ITPKB: variants seen among roughly 807,000 people sequenced by gnomAD.
ITPKB encodes the protein IP3 3-kinase B.
ITPKB carries 13 observed loss-of-function variants against 69.4 expected under a neutral mutation model. The observed-to-expected ratio is 0.19, with a 90% confidence interval of 0.12 to 0.30. The LOEUF (loss-of-function observed/expected upper bound fraction) is 0.30. Ranked by LOEUF, ITPKB falls within the 10% of genes least tolerant of loss-of-function variation. ITPKB has a pLI of 1.00. For synonymous variants in ITPKB, 584 were observed against 513.7 expected (o/e 1.14, Z -1.85); for missense variants, 1,240 against 1,250.5 (o/e 0.99, Z 0.13).
Position 226,736,547 on chromosome 1 carries a change from C to A in ITPKB, c.912G>T (p.Thr304=). 6.2e-7 allele frequency: 1 copy of A among 1,613,994 alleles called. No homozygotes were observed. The highest frequency in any genetic ancestry group is 2.2e-5 in the East Asian group (1 of 44,878). Residue 304 remains threonine (T), a synonymous_variant, in exon 2 of 8, where the codon ACG becomes ACT. Transcript: ENST00000429204. ...GLFGASLTMA[T]EVAARVTSTG... ...TGGATGTAACTCTCGCTGCCACTTC[C>A]GTGGCCATCGTTAAGCTAGCTCCGA...
intron 2 of ITPKB, among the ~76,000 whole-genome samples, chr1:226,716,413 TTTTTA>T (rs1432372906): frequency 6.6e-6 from 1 of 152,244 alleles, no homozygotes; most frequent in African/African-American, 2.4e-5. Context: ...TTTTAAAATG[TTTTTA>T]TTTTATTTGA....
chr1:226,719,276 A>G (rs370790544), intron 2 of ITPKB, among the ~76,000 whole-genome samples: 19 of 152,296 alleles, frequency 1.2e-4, no homozygotes, highest in African/African-American at 4.3e-4. Flanking sequence ...GGGACAAAAC[A>G]AAACAAAAAA....
intron 2 of ITPKB, among the ~76,000 whole-genome samples, chr1:226,662,349 C>T (rs1669418084): frequency 6.6e-6 from 1 of 152,238 alleles, no homozygotes; most frequent in South Asian, 2.1e-4. Context: ...CCAAAGCTCT[C>T]CCAGGCACAG....
At chr1:226,693,875 C>T (rs1348997063) in intron 2 of ITPKB, among the ~76,000 whole-genome samples, 3 of 152,208 alleles carry the variant, frequency 2.0e-5, no homozygotes, top group African/African-American at 4.8e-5. Context: ...ATGATCCATG[C>T]GGCCCTACCC....
intron 2 of ITPKB, among the ~76,000 whole-genome samples, chr1:226,692,107 A>G (rs1656371753): frequency 6.6e-6 from 1 of 152,226 alleles, no homozygotes; most frequent in Non-Finnish European, 1.5e-5. Flanking sequence ...AAAACCCTGT[A>G]ACTTTCAAGT....
intron 2 of ITPKB, among the ~76,000 whole-genome samples, chr1:226,662,499 G>A (rs2102758395): frequency 6.6e-6 from 1 of 152,276 alleles, no homozygotes; most frequent in South Asian, 2.1e-4. Context: ...ATAGTAGAAG[G>A]GACAAGATTT....
intron 2 of ITPKB, chr1:226,675,162 G>A (rs1468661431): frequency 6.8e-6 from 1 of 146,232 alleles, no homozygotes; most frequent in Non-Finnish European, 1.5e-5. Context: ...AGGAACCAAT[G>A]AGGTTGTCAG....
At chr1:226,649,147 C>G (rs1669120066) in intron 2 of ITPKB, among the ~76,000 whole-genome samples, 1 of 152,252 alleles carries the variant, frequency 6.6e-6, no homozygotes, top group Non-Finnish European at 1.5e-5. Flanking sequence ...TAAAGAAATT[C>G]CTCAGAACAG....
At chr1:226,718,529 A>G (rs1657151796) in intron 2 of ITPKB, among the ~76,000 whole-genome samples, 1 of 152,080 alleles carries the variant, frequency 6.6e-6, no homozygotes, top group African/African-American at 2.4e-5. Flanking sequence ...TGAATCTAGG[A>G]AGTCAGGGCT....
intron 2 of ITPKB, among the ~76,000 whole-genome samples, chr1:226,666,060 G>C (rs963449141): frequency 3.9e-5 from 6 of 152,336 alleles, no homozygotes; most frequent in African/African-American, 1.4e-4. Context: ...GCCTAAAAAT[G>C]AAAGAAATGA....
chr1:226,668,579 C>G (rs1669549932), intron 2 of ITPKB, among the ~76,000 whole-genome samples: 4 of 152,202 alleles, frequency 2.6e-5, no homozygotes, highest in African/African-American at 9.7e-5. Flanking sequence ...TTAATCAATC[C>G]TGAAGAACTG....
rs754329966 is a variant in ITPKB at position 226,637,424 on chromosome 1, A to T, written c.2625+255T>A. Among the ~76,000 whole-genome samples, 1 of 152,216 alleles carries T rather than the reference A, an allele frequency of 6.6e-6. No individual in the cohort carries two copies. Among genetic ancestry groups the T allele is most frequent in the Non-Finnish European group, 1.5e-5 (1 of 68,042 alleles). ...CTGCCACCACTGCCCAGAATGGACA[A>T]GACTCTGGAGCTGGAAGGACAAGGG... On this transcript the variant is annotated intron_variant, in intron 7 of 7. Transcript: ENST00000429204. The surrounding 1 kb of genome is among the most constrained non-coding windows in gnomAD (Gnocchi z 4.3).
At chr1:226,687,522 T>C (rs1041984709) in intron 2 of ITPKB, among the ~76,000 whole-genome samples, 1 of 152,156 alleles carries the variant, frequency 6.6e-6, no homozygotes, top group Non-Finnish European at 1.5e-5. Context: ...AACAGCTTTT[T>C]CCACTGAGAC....
chr1:226,736,368 C>T lies in ITPKB; in HGVS notation c.1091G>A (p.Arg364His). 1 of 1,612,212 alleles carries T rather than the reference C, an allele frequency of 6.2e-7. No homozygotes were observed. The highest frequency in any genetic ancestry group is 8.5e-7 in the Non-Finnish European group (1 of 1,179,744). The change falls in exon 2 of 8, where the codon CGC becomes CAC. Residue 364 changes from arginine to histidine, a missense_variant. Physicochemically the swap from Arg to His is conservative, Grantham distance 29 (BLOSUM62 0). Around this residue, in one of 2 missense-constraint regions of ITPKB, gnomAD observed 992 missense variants for 853.8 expected, o/e 1.16. Transcript: ENST00000429204. ...TSPAPERGGP[R>H]DGEPPGKMGK... ...CATCTTCCCAGGGGGTTCTCCATCGCGGGGCCCGCCCCTTTCTGGGGCTGG... is the reference window on the plus strand; with the variant it reads ...CATCTTCCCAGGGGGTTCTCCATCGTGGGGCCCGCCCCTTTCTGGGGCTGG...
chr1:226,717,301 G>C (rs1300172653), intron 2 of ITPKB, among the ~76,000 whole-genome samples: 1 of 152,222 alleles, frequency 6.6e-6, no homozygotes, highest in African/African-American at 2.4e-5. Context: ...TAGCTTTAAA[G>C]AGAAAATTCC....
intron 2 of ITPKB, among the ~76,000 whole-genome samples, chr1:226,729,814 C>T (rs556786808): frequency 6.6e-6 from 1 of 152,074 alleles, no homozygotes; most frequent in Admixed American, 6.5e-5. Context: ...AGGCTGGTTT[C>T]GAACTCCTGA....
rs192414053 is a variant in ITPKB, at chr1:226,632,240, G to C, written c.*2431C>G. 1.1e-3 allele frequency: 164 copies of C among 152,666 alleles called. 2 individuals are homozygous for C. The highest frequency in any genetic ancestry group is 3.7e-3 in the African/African-American group (154 of 41,582). The allele number at this position is 152,666 out of a possible 1,614,324, so 9.5% of individuals were successfully genotyped here. A position where few individuals can be genotyped will look rare whatever the true frequency, so the allele number is the denominator to read the frequency against. On this transcript the variant is annotated 3_prime_UTR_variant, in exon 8 of 8. Transcript: ENST00000429204. The stretch of plus-strand genomic sequence containing the variant: ...GGCCCCCCGCAGGACAGGGCAAGAG[G>C]ACCCTGCGCCCATTCACCTGGGCAC...
At chr1:226,697,613 G>C (rs1034219857) in intron 2 of ITPKB, among the ~76,000 whole-genome samples, 1 of 152,200 alleles carries the variant, frequency 6.6e-6, no homozygotes, top group African/African-American at 2.4e-5. Flanking sequence ...CCTGATAGGC[G>C]AACTGGGCTT....
chr1:226,649,076 A>G (rs1434035741), intron 2 of ITPKB, among the ~76,000 whole-genome samples: 3 of 152,216 alleles, frequency 2.0e-5, no homozygotes, highest in Admixed American at 6.5e-5. Flanking sequence ...TTCATATTCA[A>G]TTCGTAGATG....
Sources: gnomAD v4.1 joint callset for allele counts (sites outside exome capture counted in the v4.1 genomes callset) on GRCh38, gnomAD v4.1.1 for gene constraint, gnomAD v4.1.1 regional missense constraint, Gnocchi (gnomAD v3.1) non-coding constraint, MANE v1.5 for transcripts, NCBI Gene and HGNC (gene_info 2026-07-23, HGNC 2026-07-21) for gene names.